Variants in RNF130 observed in about 807,000 individuals in gnomAD.
RNF130 encodes E3 ubiquitin-protein ligase RNF130.
A neutral mutation model predicts 44.6 loss-of-function variants in RNF130; 21 were observed. That is an observed-to-expected ratio of 0.47 (90% CI 0.33 to 0.68). The LOEUF (loss-of-function observed/expected upper bound fraction) is 0.68, where lower values mean the gene tolerates loss of function less well. Among genes scored for constraint, RNF130 ranks in the 30% least tolerant of loss-of-function variants. The pLI is 0.02. For missense variants in RNF130, 479 were observed against 560.6 expected (o/e 0.85, Z 1.47); for synonymous variants, 214 against 210.4 (o/e 1.02, Z -0.15).
At chr5:180,062,055 C>CTTTTT (rs901554822) in intron 1 of RNF130, among the ~76,000 whole-genome samples, 4 of 134,940 alleles carry the variant, frequency 3.0e-5, no homozygotes, top group African/African-American at 1.1e-4. Context: ...CCCCCAGCCT[C>CTTTTT]TTTTTTTTTT....
At chr5:179,961,542 A>T (rs1404990915) in intron 8 of RNF130, among the ~76,000 whole-genome samples, 1 of 152,218 alleles carries the variant, frequency 6.6e-6, no homozygotes, top group East Asian at 1.9e-4. Context: ...CATGAACTGA[A>T]CATCAGACAG....
At chr5:179,920,077 C>A in exon 8 of RNF130, 1 of 437,826 alleles carries the variant, frequency 2.3e-6, no homozygotes, top group Admixed American at 3.5e-5. Context: ...GCTGGGCGCC[C>A]ACCTTCAATG....
chr5:179,923,926 A>G (rs1194657680), intron 7 of RNF130, among the ~76,000 whole-genome samples: 3 of 152,244 alleles, frequency 2.0e-5, no homozygotes, highest in Non-Finnish European at 2.9e-5. Flanking sequence ...AGGTTTGCGC[A>G]TATAATCTCA....
At chr5:179,954,538 G>T (rs1561667491), downstream of RNF130, among the ~76,000 whole-genome samples, 2 of 152,192 alleles carry the variant, frequency 1.3e-5, no homozygotes, top group East Asian at 1.9e-4. Context: ...TAGAAACAAT[G>T]AGTAGATTTC....
At chr5:179,965,711 C>T (rs563586316) in intron 7 of RNF130, among the ~76,000 whole-genome samples, 1 of 152,236 alleles carries the variant, frequency 6.6e-6, no homozygotes, top group Admixed American at 6.5e-5. Flanking sequence ...AGAAATGAGC[C>T]AAACTACACT....
At chr5:180,037,644 G>T (rs774584352) in intron 2 of RNF130, among the ~76,000 whole-genome samples, 1 of 152,144 alleles carries the variant, frequency 6.6e-6, no homozygotes, top group Non-Finnish European at 1.5e-5. Flanking sequence ...ATCAGAATTT[G>T]CATTTTAACA....
intron 8 of RNF130, chr5:179,956,446 C>G (rs899072370): frequency 2.0e-5 from 3 of 152,538 alleles, no homozygotes; most frequent in African/African-American, 7.2e-5. Context: ...CCTAATCTAT[C>G]TTCCTGCCTT....
At chr5:179,993,135 T>C (rs1410185628) in intron 3 of RNF130, among the ~76,000 whole-genome samples, 1 of 152,258 alleles carries the variant, frequency 6.6e-6, no homozygotes, top group East Asian at 1.9e-4. Flanking sequence ...TGTTGGACAT[T>C]TGGGTTGGTT....
chr5:180,057,299 A>G (rs1029077495), intron 1 of RNF130, among the ~76,000 whole-genome samples: 1 of 152,266 alleles, frequency 6.6e-6, no homozygotes, highest in Non-Finnish European at 1.5e-5. Flanking sequence ...CTGTAATCCC[A>G]GCACTTTGGG....
chr5:179,943,780 A>T (rs466269), intron 7 of RNF130, among the ~76,000 whole-genome samples: 4 of 152,190 alleles, frequency 2.6e-5, no homozygotes, highest in Admixed American at 2.0e-4. Flanking sequence ...ACCGCAAAGT[A>T]TATTTAACAG....
intron 1 of RNF130, among the ~76,000 whole-genome samples, chr5:180,067,088 G>C (rs573096078): frequency 5.3e-5 from 8 of 152,144 alleles, no homozygotes; most frequent in Non-Finnish European, 1.0e-4. Flanking sequence ...CAAGGCGGGA[G>C]GGATCTCAGA....
chr5:179,981,825 A>C (rs555407252), intron 3 of RNF130, among the ~76,000 whole-genome samples: 1 of 152,356 alleles, frequency 6.6e-6, no homozygotes, highest in Admixed American at 6.5e-5. Context: ...CCGTCTTTGA[A>C]GCCTAATCTA....
chr5:179,949,949 A>G (rs1407509424), intron 7 of RNF130, among the ~76,000 whole-genome samples: 1 of 152,174 alleles, frequency 6.6e-6, no homozygotes, highest in Admixed American at 6.5e-5. Flanking sequence ...CTCTGCCTAT[A>G]TGATACTTTA....
chr5:179,955,756 G>A, intron 8 of RNF130, 87 bp from the exon 9 acceptor site: 1 of 1,111,792 alleles, frequency 9.0e-7, no homozygotes, highest in East Asian at 2.4e-5. Flanking sequence ...ACTGAAGGGT[G>A]GCCTGGCTGT....
chr5:179,920,232 C>T, exon 8 of RNF130: 1 of 639,192 alleles, frequency 1.6e-6, no homozygotes, highest in South Asian at 1.7e-5. Flanking sequence ...AAAACGGATG[C>T]TGACAGGAGA....
Position 179,937,368 on chromosome 5 carries a change from G to A in RNF130, c.1151-16942C>T, listed in dbSNP as rs114903697. ...ACAACTCAACAGCAAAAGACAACCTGATTAAAAAATGGGCAAAGGACTTAA... is the reference window on the plus strand; with the variant it reads ...ACAACTCAACAGCAAAAGACAACCTAATTAAAAAATGGGCAAAGGACTTAA... On this transcript the variant is annotated intron_variant, in intron 7 of 7. Transcript: ENST00000522208. Among the ~76,000 whole-genome samples, 1,042 of 152,234 alleles carry A rather than the reference G, an allele frequency of 6.8e-3. 15 individuals are homozygous for A. Among genetic ancestry groups the A allele is most frequent in the African/African-American group, 0.024 (999 of 41,534 alleles).
At chr5:179,943,002 C>G (rs937458274) in intron 7 of RNF130, among the ~76,000 whole-genome samples, 1 of 152,178 alleles carries the variant, frequency 6.6e-6, no homozygotes, top group African/African-American at 2.4e-5. Context: ...CGAGACCATC[C>G]TGGCCAACAT....
intron 7 of RNF130, among the ~76,000 whole-genome samples, chr5:179,937,492 T>C (rs1457799575): frequency 6.6e-6 from 1 of 152,062 alleles, no homozygotes; most frequent in Non-Finnish European, 1.5e-5. Flanking sequence ...ATCAAAACCA[T>C]GATGAAATGC....
intron 1 of RNF130, among the ~76,000 whole-genome samples, chr5:180,070,989 C>A (rs888006460): frequency 6.6e-6 from 1 of 151,562 alleles, no homozygotes; most frequent in Admixed American, 6.6e-5. Context: ...ACACCCCCCC[C>A]CCAATTTACC....
Sources: gnomAD v4.1 joint callset for allele counts (sites outside exome capture counted in the v4.1 genomes callset) on GRCh38, gnomAD v4.1.1 for gene constraint, MANE v1.5 for transcripts, NCBI Gene and HGNC (gene_info 2026-07-23, HGNC 2026-07-21) for gene names.